MGAT4C: variants seen among roughly 807,000 people sequenced by gnomAD.
MGAT4C encodes alpha-1,3-mannosyl-glycoprotein 4-beta-N-acetylglucosaminyltransferase C.
MGAT4C carries 19 observed loss-of-function variants against 40.1 expected under a neutral mutation model. The observed-to-expected ratio is 0.47, with a 90% CI of 0.33 to 0.70. The LOEUF (loss-of-function observed/expected upper bound fraction) is 0.70, where lower values mean the gene tolerates loss of function less well. MGAT4C is among the 30% of genes least tolerant of loss of function. The pLI is 0.02. For synonymous variants in MGAT4C, 181 were observed against 187.1 expected (o/e 0.97, Z 0.27); for missense variants, 491 against 563.2 (o/e 0.87, Z 1.30).
rs181950329 is a variant in MGAT4C at position 86,684,907 on chromosome 12, T to G, written c.-229+42302A>C. ...TTTTGTTTTTTTCTGGTGAATTTGT[T>G]TAAGTTCCTTTTAGATTCTGGATAT... On this transcript the variant is annotated intron_variant, in intron 2 of 7. Transcript: ENST00000548651. Among the ~76,000 whole-genome samples, 371 of 152,278 alleles carry G rather than the reference T, an allele frequency of 2.4e-3. 1 individual carries two copies. Among genetic ancestry groups the G allele is most frequent in the Non-Finnish European group, 4.5e-3 (305 of 68,024 alleles).
chr12:86,796,797 C>CA, intron 1 of MGAT4C, among the ~76,000 whole-genome samples: 1 of 151,824 alleles, frequency 6.6e-6, no homozygotes, highest in African/African-American at 2.4e-5. Flanking sequence ...GTTCTCACCA[C>CA]AAAAATGATA....
chr12:86,555,581 A>G (rs1959569155), intron 2 of MGAT4C, among the ~76,000 whole-genome samples: 1 of 152,190 alleles, frequency 6.6e-6, no homozygotes, highest in African/African-American at 2.4e-5. Flanking sequence ...GATAGAATCC[A>G]GGGCTCGTGG....
At chr12:86,440,815 C>A (rs539470931) in intron 2 of MGAT4C, among the ~76,000 whole-genome samples, 1 of 152,090 alleles carries the variant, frequency 6.6e-6, no homozygotes, top group South Asian at 2.1e-4. Flanking sequence ...ATCAGCTGCA[C>A]TTCTATATGC....
At chr12:86,437,428 C>A (rs182708678) in intron 2 of MGAT4C, among the ~76,000 whole-genome samples, 185 of 151,738 alleles carry the variant, frequency 1.2e-3, no homozygotes, top group African/African-American at 4.3e-3. Flanking sequence ...TTGTTGACGT[C>A]CCCCTCTCTA....
At chr12:86,713,036 C>A (rs1292002889) in intron 2 of MGAT4C, among the ~76,000 whole-genome samples, 3 of 151,798 alleles carry the variant, frequency 2.0e-5, no homozygotes, top group East Asian at 1.9e-4. Context: ...GTCTGTAGAC[C>A]CAGTTTTGAT....
chr12:86,446,032 AT>A (rs1016327815), intron 2 of MGAT4C, among the ~76,000 whole-genome samples: 1 of 152,134 alleles, frequency 6.6e-6, no homozygotes, highest in Non-Finnish European at 1.5e-5. Context: ...ATTTCTGAAT[AT>A]GTGTTATGCT....
At chr12:86,301,846 C>G (rs974230399) in intron 4 of MGAT4C, among the ~76,000 whole-genome samples, 2 of 152,166 alleles carry the variant, frequency 1.3e-5, no homozygotes, top group African/African-American at 4.8e-5. Context: ...ATTTTGCAGA[C>G]AAAATGTACA....
chr12:86,366,242 G>A (rs1202069004), intron 3 of MGAT4C, among the ~76,000 whole-genome samples: 1 of 152,128 alleles, frequency 6.6e-6, no homozygotes, highest in East Asian at 1.9e-4. Context: ...CATTGATTTT[G>A]CATCCTGAAA....
intron 2 of MGAT4C, among the ~76,000 whole-genome samples, chr12:86,497,702 A>G (rs1279798219): frequency 7.9e-5 from 12 of 151,658 alleles, no homozygotes; most frequent in African/African-American, 2.4e-4. Context: ...ACATGAAAGT[A>G]CATGTTCCTT....
At chr12:86,566,578 A>AT (rs1376491888) in intron 2 of MGAT4C, among the ~76,000 whole-genome samples, 4 of 130,174 alleles carry the variant, frequency 3.1e-5, no homozygotes, top group Non-Finnish European at 6.6e-5. Flanking sequence ...ATATATATGT[A>AT]TATGTATATA....
At chr12:86,591,979 A>T (rs1961349168) in intron 2 of MGAT4C, among the ~76,000 whole-genome samples, 1 of 152,080 alleles carries the variant, frequency 6.6e-6, no homozygotes, top group African/African-American at 2.4e-5. Flanking sequence ...GGAAAAAATT[A>T]TGAAGTCTTT....
intron 1 of MGAT4C, among the ~76,000 whole-genome samples, chr12:86,095,729 T>G (rs534320509): frequency 4.3e-4 from 65 of 151,824 alleles, no homozygotes; most frequent in African/African-American, 1.5e-3. Flanking sequence ...TAATTTGAAG[T>G]AATGTCCTAC....
intron 3 of MGAT4C, among the ~76,000 whole-genome samples, chr12:86,365,474 C>CTATT (rs1270241312): frequency 1.2e-4 from 19 of 152,112 alleles, no homozygotes; most frequent in South Asian, 2.1e-4. Context: ...AATCACAAGG[C>CTATT]TATTGATTGG....
At chr12:86,232,367 A>G (rs954705543) in intron 1 of MGAT4C, among the ~76,000 whole-genome samples, 16 of 152,336 alleles carry the variant, frequency 1.1e-4, no homozygotes, top group African/African-American at 3.8e-4. Context: ...TTTCTCAAAT[A>G]CATTGACATA....
intron 1 of MGAT4C, among the ~76,000 whole-genome samples, chr12:86,128,524 C>A (rs2135704527): frequency 6.6e-6 from 1 of 152,250 alleles, no homozygotes; most frequent in African/African-American, 2.4e-5. Flanking sequence ...CCATGTGGAA[C>A]TGTAAGTCCC....
intron 1 of MGAT4C, among the ~76,000 whole-genome samples, chr12:86,134,411 GGTTT>G (rs1257910845): frequency 6.7e-4 from 102 of 152,032 alleles, no homozygotes; most frequent in Non-Finnish European, 5.9e-5. Flanking sequence ...ATTATAAAAA[GGTTT>G]GTTTGGAAAA....
chr12:86,389,619 A>G (rs1182884791), intron 3 of MGAT4C, among the ~76,000 whole-genome samples: 3 of 152,184 alleles, frequency 2.0e-5, no homozygotes, highest in Non-Finnish European at 2.9e-5. Flanking sequence ...GAATTGCCAA[A>G]CTGTCTTCCA....
At chr12:86,666,571 G>A (rs914630549) in intron 2 of MGAT4C, among the ~76,000 whole-genome samples, 6 of 151,904 alleles carry the variant, frequency 3.9e-5, no homozygotes, top group African/African-American at 1.5e-4. Context: ...AATGTCATCT[G>A]CTCTGATGTG....
chr12:86,038,234 G>C (rs1419230991), intron 2 of MGAT4C, among the ~76,000 whole-genome samples: 1 of 149,822 alleles, frequency 6.7e-6, no homozygotes, highest in Non-Finnish European at 1.5e-5. Flanking sequence ...TGTTCTTCTA[G>C]TTTAAGCTAG....
Sources: allele counts gnomAD v4.1 joint callset (sites outside exome capture counted in the v4.1 genomes callset), GRCh38; gene constraint gnomAD v4.1.1; transcripts MANE v1.5; gene names NCBI Gene and HGNC (gene_info 2026-07-23, HGNC 2026-07-21).